The following WIF1 variants were observed in gnomAD, a reference collection of about 807,000 sequenced individuals.
WIF1 encodes Wnt inhibitory factor 1.
WIF1 carries 35 observed loss-of-function variants against 53.5 expected under a neutral mutation model. That is an observed-to-expected ratio of 0.65 (90% CI 0.50 to 0.87). The LOEUF is 0.87. Ranked by LOEUF, WIF1 falls within the 40% of genes least tolerant of loss-of-function variation. WIF1 has a pLI of 0.00. For synonymous variants in WIF1, 171 were observed against 170.4 expected (o/e 1.00, Z -0.03); for missense variants, 467 against 476.8 (o/e 0.98, Z 0.19).
intron 9 of WIF1, chr12:65,053,964 G>A (rs1882483823): frequency 6.6e-6 from 1 of 151,628 alleles, no homozygotes; most frequent in Admixed American, 6.6e-5. Flanking sequence ...CCAACCTTTG[G>A]AGACTACTGA....
At chr12:65,073,300 A>C (rs1417589787) in intron 3 of WIF1, among the ~76,000 whole-genome samples, 1 of 152,198 alleles carries the variant, frequency 6.6e-6, no homozygotes, top group African/African-American at 2.4e-5. Context: ...AACTGAGGTC[A>C]CCTATAAGAA....
At chr12:65,086,348 A>C (rs1316288831) in intron 2 of WIF1, among the ~76,000 whole-genome samples, 2 of 152,128 alleles carry the variant, frequency 1.3e-5, no homozygotes, top group Non-Finnish European at 2.9e-5. Flanking sequence ...CAACTCAAGC[A>C]GTAGCAAAGT....
intron 6 of WIF1, among the ~76,000 whole-genome samples, chr12:65,063,305 C>T (rs1464795839): frequency 6.6e-6 from 1 of 152,130 alleles, no homozygotes; most frequent in Non-Finnish European, 1.5e-5. Flanking sequence ...AATTTCACTG[C>T]TCACTAGCAC....
chr12:65,097,462 G>A (rs2136633668), intron 2 of WIF1, among the ~76,000 whole-genome samples: 1 of 152,216 alleles, frequency 6.6e-6, no homozygotes, highest in South Asian at 2.1e-4. Context: ...CACCCCCAAA[G>A]CAGAAACCTA....
intron 9 of WIF1, 105 bp downstream of exon 9, chr12:65,055,013 G>A: frequency 1.7e-6 from 2 of 1,186,428 alleles, no homozygotes; most frequent in Non-Finnish European, 2.4e-6. Context: ...GTTAGCCTTT[G>A]AAGCCAAGAA....
At chr12:65,096,383 G>A (rs547466233) in intron 2 of WIF1, among the ~76,000 whole-genome samples, 1 of 152,294 alleles carries the variant, frequency 6.6e-6, no homozygotes, top group Admixed American at 6.5e-5. Context: ...TGGCGAGGAT[G>A]TGGAGAAATA....
chr12:65,057,259 A>C (rs897559182), intron 7 of WIF1, among the ~76,000 whole-genome samples: 1 of 152,216 alleles, frequency 6.6e-6, no homozygotes, highest in African/African-American at 2.4e-5. Context: ...CCAATATCAC[A>C]ACAATGCATT....
At chr12:65,076,286 C>A (rs559279556) in intron 3 of WIF1, among the ~76,000 whole-genome samples, 8 of 152,078 alleles carry the variant, frequency 5.3e-5, no homozygotes, top group African/African-American at 1.9e-4. Flanking sequence ...ATCCTCCCCC[C>A]TCGGCCCCCC....
intron 2 of WIF1, among the ~76,000 whole-genome samples, chr12:65,102,970 G>A (rs1374456218): frequency 6.6e-6 from 1 of 152,170 alleles, no homozygotes; most frequent in East Asian, 1.9e-4. Flanking sequence ...AATAGATGAT[G>A]GGTAAGTATT....
intron 9 of WIF1, among the ~76,000 whole-genome samples, chr12:65,051,877 T>A (rs1301117604): frequency 6.6e-6 from 1 of 152,238 alleles, no homozygotes; most frequent in African/African-American, 2.4e-5. Context: ...CAGTTCAATA[T>A]GACAACCCGA....
chr12:65,090,732 C>G (rs368173303), intron 2 of WIF1, among the ~76,000 whole-genome samples: 1 of 152,182 alleles, frequency 6.6e-6, no homozygotes, highest in South Asian at 2.1e-4. Flanking sequence ...CCAGTGTCTA[C>G]TTTGCAGTGC....
rs1882630064 is a variant in WIF1 at position 65,062,569 on chromosome 12, G to A, written c.738C>T (p.Cys246=). The part of the protein sequence containing the change: ...FYGVNCDKAN[C]STTCFNGGTC... ...TCCCTCCATTAAAGCAGGTGGTTGA[G>A]CAGTTTGCTGTTAGAATGAGTAACA... Residue 246 remains cysteine, a synonymous_variant, in exon 7 of 10, where the codon TGC becomes TGT. Coordinates refer to ENST00000286574, the MANE Select transcript of WIF1 (RefSeq NM_007191.5). The A allele has an allele frequency of 1.2e-6, 2 of 1,605,480 alleles. No individual in the cohort carries two copies. The highest frequency in any genetic ancestry group is 1.7e-5 in the Admixed American group (1 of 59,258).
At chr12:65,051,522 T>G in intron 9 of WIF1, 52 bp from the exon 10 acceptor site, 1 of 1,506,342 alleles carries the variant, frequency 6.6e-7, no homozygotes, top group Non-Finnish European at 8.9e-7. Flanking sequence ...ACCAGGCTCT[T>G]CAGATTCATT....
chr12:65,074,850 G>GAA (rs869057343), intron 3 of WIF1, among the ~76,000 whole-genome samples: 5 of 95,418 alleles, frequency 5.2e-5, no homozygotes, highest in Admixed American at 1.2e-4. Context: ...AAAAGAAAAA[G>GAA]AAAATTATTT....
At chr12:65,120,395 G>C (rs1194252651) in intron 2 of WIF1, 22 bp downstream of exon 2, 1 of 1,609,658 alleles carries the variant, frequency 6.2e-7, no homozygotes, top group Admixed American at 1.7e-5. Flanking sequence ...AAATATTAAA[G>C]GGTAATTTTC....
chr12:65,112,071 C>T (rs1021687001), intron 2 of WIF1, among the ~76,000 whole-genome samples: 1 of 152,150 alleles, frequency 6.6e-6, no homozygotes, highest in Non-Finnish European at 1.5e-5. Flanking sequence ...AGAGTTTGTG[C>T]TAATAGTAAG....
intron 2 of WIF1, among the ~76,000 whole-genome samples, chr12:65,085,855 C>T (rs1883029874): frequency 6.6e-6 from 1 of 152,152 alleles, no homozygotes. Flanking sequence ...AGTTTGGCTT[C>T]ACATGAATCT....
At chr12:65,102,925 G>C (rs111717918) in intron 2 of WIF1, among the ~76,000 whole-genome samples, 4,614 of 152,256 alleles carry the variant, frequency 0.03, 156 homozygotes, top group African/African-American at 0.082. Flanking sequence ...CTGAAAGAAT[G>C]GATGGCAAAA....
At chr12:65,090,310 A>T (rs1243555398) in intron 2 of WIF1, among the ~76,000 whole-genome samples, 1 of 152,114 alleles carries the variant, frequency 6.6e-6, no homozygotes, top group Non-Finnish European at 1.5e-5. Flanking sequence ...TCTACTATTT[A>T]CTAGCTGGCC....
Sources: allele counts gnomAD v4.1 joint callset (sites outside exome capture counted in the v4.1 genomes callset), GRCh38; gene constraint gnomAD v4.1.1; transcripts MANE v1.5; gene names NCBI Gene and HGNC (gene_info 2026-07-23, HGNC 2026-07-21).